The following IGSF10 variants were observed in gnomAD, a reference collection of about 807,000 sequenced individuals.
IGSF10 encodes the protein immunoglobulin superfamily member 10.
Under a neutral mutation model 128.2 loss-of-function variants are expected in IGSF10, and 126 were observed. The observed-to-expected ratio is 0.98, with a 90% CI of 0.85 to 1.14. The LOEUF is 1.14. IGSF10 is among the 50% of genes most tolerant of loss of function. The pLI is 0.00. For missense variants in IGSF10, 3,295 were observed against 3,149.8 expected (o/e 1.05, Z -1.10); for synonymous variants, 1,185 against 1,146.2 (o/e 1.03, Z -0.68).
chr3:151,486,400 A>AG, the IGSF10 span, among the ~76,000 whole-genome samples: 2 of 152,184 alleles, frequency 1.3e-5, no homozygotes, highest in African/African-American at 4.8e-5. Context: ...TGTCAATATT[A>AG]GATTAATGGG....
At chr3:151,432,499 C>T (rs1719647477), downstream of IGSF10, among the ~76,000 whole-genome samples, 1 of 152,194 alleles carries the variant, frequency 6.6e-6, no homozygotes, top group African/African-American at 2.4e-5. Context: ...CAGAGGGAGA[C>T]ACTCTGGATG....
the IGSF10 span, among the ~76,000 whole-genome samples, chr3:151,617,340 C>T: frequency 2.1e-5 from 3 of 146,244 alleles, no homozygotes; most frequent in Non-Finnish European, 3.0e-5. Context: ...CCTCCCCCTC[C>T]TCCTCCTCCT....
the IGSF10 span, among the ~76,000 whole-genome samples, chr3:151,520,740 T>C: frequency 9.9e-5 from 15 of 151,922 alleles, no homozygotes; most frequent in African/African-American, 3.6e-4. Flanking sequence ...TCACTAAATA[T>C]AGAAATGAAA....
the IGSF10 span, among the ~76,000 whole-genome samples, chr3:151,514,954 A>C: frequency 0.35 from 52,646 of 152,128 alleles, 9,507 homozygotes; most frequent in Middle Eastern, 0.45. Flanking sequence ...CGATCATTAA[A>C]AAGTCAGGAA....
chr3:151,529,000 T>C, the IGSF10 span, among the ~76,000 whole-genome samples: 63 of 152,098 alleles, frequency 4.1e-4, 1 homozygote, highest in African/African-American at 1.4e-3. Context: ...CAACCTGGGA[T>C]GCTTGAGCTT....
the IGSF10 span, among the ~76,000 whole-genome samples, chr3:151,529,968 G>A: frequency 6.6e-6 from 1 of 151,826 alleles, no homozygotes; most frequent in Non-Finnish European, 1.5e-5. Flanking sequence ...CTTGAAAAAA[G>A]GTTAGACGAA....
chr3:151,547,959 T>G, the IGSF10 span, among the ~76,000 whole-genome samples: 3 of 152,188 alleles, frequency 2.0e-5, no homozygotes, highest in Non-Finnish European at 4.4e-5. Context: ...TGTGGAAGAT[T>G]GTATTTCCAA....
the IGSF10 span, among the ~76,000 whole-genome samples, chr3:151,503,492 G>C: frequency 6.6e-6 from 1 of 152,108 alleles, no homozygotes; most frequent in East Asian, 1.9e-4. Context: ...AAGATCAATA[G>C]ATAGCCTTAA....
the IGSF10 span, among the ~76,000 whole-genome samples, chr3:151,510,209 A>C: frequency 3.3e-5 from 5 of 152,360 alleles, no homozygotes; most frequent in South Asian, 1.0e-3. Flanking sequence ...AAGTAGCCTA[A>C]CTGGGAGGCA....
the IGSF10 span, among the ~76,000 whole-genome samples, chr3:151,477,853 T>G: frequency 6.6e-6 from 1 of 152,242 alleles, no homozygotes; most frequent in Non-Finnish European, 1.5e-5. Flanking sequence ...ACTCTGCTTT[T>G]GTAGGGAAAG....
chr3:151,468,243 T>C, the IGSF10 span, among the ~76,000 whole-genome samples: 2 of 152,182 alleles, frequency 1.3e-5, no homozygotes, highest in South Asian at 4.1e-4. Context: ...TTGAGAGGAC[T>C]CTAGAGCAAG....
At chr3:151,594,331 C>CTTTT in the IGSF10 span, among the ~76,000 whole-genome samples, 9 of 121,458 alleles carry the variant, frequency 7.4e-5, no homozygotes, top group African/African-American at 1.5e-4. Context: ...ATAAAAACTG[C>CTTTT]TTTTTTTTTT....
At chr3:151,593,991 A>G in the IGSF10 span, among the ~76,000 whole-genome samples, 1 of 141,200 alleles carries the variant, frequency 7.1e-6, no homozygotes, top group Non-Finnish European at 1.6e-5. Flanking sequence ...GGGAATGAAT[A>G]CGGCAGATCA....
the IGSF10 span, among the ~76,000 whole-genome samples, chr3:151,595,948 A>C: frequency 2.0e-5 from 3 of 152,150 alleles, no homozygotes; most frequent in Admixed American, 6.5e-5. Context: ...CTGAGAGTAG[A>C]TTTTAGGTGC....
the IGSF10 span, among the ~76,000 whole-genome samples, chr3:151,611,152 C>G: frequency 2.0e-5 from 3 of 152,154 alleles, no homozygotes; most frequent in Non-Finnish European, 4.4e-5. Flanking sequence ...ACTGAGAATA[C>G]ACATTTTCTA....
the IGSF10 span, among the ~76,000 whole-genome samples, chr3:151,507,041 T>A: frequency 6.6e-6 from 1 of 152,206 alleles, no homozygotes; most frequent in Non-Finnish European, 1.5e-5. Context: ...ATGGCTTTGG[T>A]TTAGAGTCTC....
chr3:151,561,969 C>T, the IGSF10 span, among the ~76,000 whole-genome samples: 3 of 152,090 alleles, frequency 2.0e-5, no homozygotes, highest in Non-Finnish European at 2.9e-5. Context: ...CAAGACTTAT[C>T]TTTTTCTTTT....
chr3:151,494,842 C>G, the IGSF10 span, among the ~76,000 whole-genome samples: 1 of 152,022 alleles, frequency 6.6e-6, no homozygotes, highest in Non-Finnish European at 1.5e-5. Context: ...GTTTGTCTGA[C>G]AATTGTATTT....
At chr3:151,496,572 C>A in the IGSF10 span, among the ~76,000 whole-genome samples, 33 of 33,238 alleles carry the variant, frequency 9.9e-4, no homozygotes, top group Middle Eastern at 0.018. Flanking sequence ...TTAATCCAGT[C>A]TATCATTGTT....
Sources: gnomAD v4.1 joint callset for allele counts (sites outside exome capture counted in the v4.1 genomes callset) on GRCh38, gnomAD v4.1.1 for gene constraint, MANE v1.5 for transcripts, NCBI Gene and HGNC (gene_info 2026-07-23, HGNC 2026-07-21) for gene names.